CELF2: variants seen among roughly 807,000 people sequenced by gnomAD.
The protein encoded by CELF2 is CUG triplet repeat RNA-binding protein 2.
In CELF2, 8 loss-of-function variants were observed where a neutral mutation model predicts 62.6. The ratio of observed to expected loss-of-function variants is 0.13; its 90% confidence interval spans 0.07 to 0.23. The LOEUF (loss-of-function observed/expected upper bound fraction) is 0.23. CELF2 is among the 10% of genes least tolerant of loss of function. The probability of loss-of-function intolerance (pLI) is 1.00; values close to 1 mark genes in which losing one functional copy is unlikely to be tolerated. For missense variants in CELF2, 333 were observed against 671.0 expected (o/e 0.50, Z 5.56); for synonymous variants, 258 against 250.0 (o/e 1.03, Z -0.30).
At chr10:11,261,954 C>G (rs945117043) in intron 5 of CELF2, among the ~76,000 whole-genome samples, 5 of 152,202 alleles carry the variant, frequency 3.3e-5, no homozygotes, top group Non-Finnish European at 7.3e-5. Flanking sequence ...CACAATCCCA[C>G]AGTCAGCCTG....
chr10:10,828,530 G>T (rs1340116825), intron 1 of CELF2, among the ~76,000 whole-genome samples: 1 of 152,130 alleles, frequency 6.6e-6, no homozygotes, highest in Non-Finnish European at 1.5e-5. Flanking sequence ...ATGGGGAGCT[G>T]TTTAATGGGG....
At chr10:10,932,181 C>A (rs951909834) in intron 2 of CELF2, among the ~76,000 whole-genome samples, 1 of 152,028 alleles carries the variant, frequency 6.6e-6, no homozygotes, top group Non-Finnish European at 1.5e-5. Flanking sequence ...ATGATCCCTG[C>A]CCTTAAGAAC....
the CELF2 span, among the ~76,000 whole-genome samples, chr10:10,619,865 T>G: frequency 1.3e-5 from 2 of 151,530 alleles, no homozygotes; most frequent in Admixed American, 1.3e-4. Context: ...AAGAAGGGGG[T>G]TTTGGCTTGT....
chr10:11,261,565 C>G (rs2080603904), intron 5 of CELF2, among the ~76,000 whole-genome samples: 1 of 152,208 alleles, frequency 6.6e-6, no homozygotes, highest in South Asian at 2.1e-4. Flanking sequence ...AAGCACCTAA[C>G]ACCTGCCAAG....
At position 11,328,773 on chromosome 10, in the gene CELF2, G is replaced by A. The variant is rs949945510; in HGVS notation, c.1439-153G>A. On this transcript the variant is annotated intron_variant, in intron 12 of 12. Coordinates refer to ENST00000633077, the MANE Select transcript of CELF2 (RefSeq NM_001326342.2). This position sits in a 1 kb window ranked among gnomAD's most constrained non-coding sequence, Gnocchi z 6.4. ...TGGGCACGCCCCATCATCCACTCAC[G>A]GTGGACTCACGATCAGTTCCGCAGA... 3.3e-5 allele frequency among the ~76,000 whole-genome samples: 5 copies of A among 152,266 alleles called. No homozygotes were observed. Among genetic ancestry groups the A allele is most frequent in the Admixed American group, 1.3e-4 (2 of 15,286 alleles).
chr10:10,974,640 C>T (rs1272757251), intron 2 of CELF2, among the ~76,000 whole-genome samples: 1 of 152,188 alleles, frequency 6.6e-6, no homozygotes, highest in African/African-American at 2.4e-5. Context: ...TAAGCCATCC[C>T]CTCTGGTTAC....
At chr10:11,261,389 C>A (rs919721453) in intron 5 of CELF2, among the ~76,000 whole-genome samples, 1 of 149,702 alleles carries the variant, frequency 6.7e-6, no homozygotes, top group Admixed American at 6.6e-5. Flanking sequence ...CCCATCAAGT[C>A]GTGCTATACT....
At chr10:10,937,906 A>G (rs10082401) in intron 2 of CELF2, among the ~76,000 whole-genome samples, 9,822 of 152,124 alleles carry the variant, frequency 0.065, 1,094 homozygotes, top group African/African-American at 0.22. Flanking sequence ...TGATTCCTGG[A>G]AACTGACATT....
chr10:10,979,566 G>C (rs915469932), intron 2 of CELF2, among the ~76,000 whole-genome samples: 4 of 151,740 alleles, frequency 2.6e-5, no homozygotes, highest in African/African-American at 9.7e-5. Flanking sequence ...AGCTATGCAG[G>C]GGGCTGAGGT....
At chr10:10,677,012 A>G in the CELF2 span, among the ~76,000 whole-genome samples, 10 of 152,342 alleles carry the variant, frequency 6.6e-5, no homozygotes, top group African/African-American at 1.9e-4. Flanking sequence ...TTAACAATGT[A>G]AAGTCTTTTA....
At chr10:11,044,838 CATG>C (rs1275780052) in intron 1 of CELF2, among the ~76,000 whole-genome samples, 1 of 152,174 alleles carries the variant, frequency 6.6e-6, no homozygotes, top group Non-Finnish European at 1.5e-5. Flanking sequence ...TTATCTAAAA[CATG>C]ATACCACAAT....
At chr10:10,562,595 C>T in the CELF2 span, among the ~76,000 whole-genome samples, 15 of 152,280 alleles carry the variant, frequency 9.9e-5, no homozygotes, top group African/African-American at 3.6e-4. Flanking sequence ...TTCTAGCGAC[C>T]TCACCGTGTC....
At chr10:11,064,020 T>C (rs937917724) in intron 1 of CELF2, among the ~76,000 whole-genome samples, 1 of 152,202 alleles carries the variant, frequency 6.6e-6, no homozygotes, top group Admixed American at 6.5e-5. Context: ...AATTCCTGAG[T>C]GCCTTCAGCA....
intron 9 of CELF2, among the ~76,000 whole-genome samples, chr10:11,307,320 G>A (rs545576117): frequency 1.3e-5 from 2 of 152,220 alleles, no homozygotes; most frequent in African/African-American, 4.8e-5. Flanking sequence ...GAAGAGAAAG[G>A]TTACAGCCTG....
the CELF2 span, among the ~76,000 whole-genome samples, chr10:10,567,490 G>A: frequency 2.6e-5 from 4 of 152,158 alleles, no homozygotes; most frequent in South Asian, 8.3e-4. Context: ...CAGAGAAGCA[G>A]AATGGGGCGG....
intron 1 of CELF2, among the ~76,000 whole-genome samples, chr10:10,855,062 C>CG (rs1233163045): frequency 6.6e-6 from 1 of 152,196 alleles, no homozygotes; most frequent in Non-Finnish European, 1.5e-5. Context: ...TGCCAAGCAT[C>CG]GGGTCCACCA....
intron 2 of CELF2, among the ~76,000 whole-genome samples, chr10:11,194,556 T>G (rs2134690107): frequency 6.6e-6 from 1 of 152,208 alleles, no homozygotes; most frequent in East Asian, 1.9e-4. Context: ...CATTGACCAC[T>G]GAAGGGTAGG....
At chr10:10,620,347 G>A in the CELF2 span, among the ~76,000 whole-genome samples, 11 of 150,596 alleles carry the variant, frequency 7.3e-5, no homozygotes, top group African/African-American at 2.7e-4. Flanking sequence ...TGAGGCTGAG[G>A]CAGGAGAATC....
chr10:10,943,964 T>TA (rs2047354618), intron 2 of CELF2, among the ~76,000 whole-genome samples: 1 of 152,134 alleles, frequency 6.6e-6, no homozygotes, highest in Non-Finnish European at 1.5e-5. Context: ...AGCCATGCCT[T>TA]AAAAAGTAGT....
Sources: allele counts gnomAD v4.1 joint callset (sites outside exome capture counted in the v4.1 genomes callset), GRCh38; gene constraint gnomAD v4.1.1; non-coding constraint Gnocchi (gnomAD v3.1); transcripts MANE v1.5; gene names NCBI Gene and HGNC (gene_info 2026-07-23, HGNC 2026-07-21).